ICA1L: variants seen among roughly 807,000 people sequenced by gnomAD.
ICA1L encodes the protein islet cell autoantigen 1-like protein.
A neutral mutation model predicts 61.3 loss-of-function variants in ICA1L; 50 were observed. The ratio of observed to expected loss-of-function variants is 0.82; its 90% CI spans 0.65 to 1.03. ICA1L has a LOEUF of 1.03. Among genes scored for constraint, ICA1L ranks in the 50% least tolerant of loss-of-function variants. ICA1L has a pLI of 0.00. For missense variants in ICA1L, 508 were observed against 556.7 expected, an observed-to-expected ratio of 0.91 and a Z score of 0.88; for synonymous variants, 161 against 191.3, an observed-to-expected ratio of 0.84 and a Z score of 1.31.
chr2:202,841,004 G>T, intron 1 of ICA1L: 2 of 671,782 alleles, frequency 3.0e-6, no homozygotes, highest in South Asian at 2.7e-5. Flanking sequence ...CCTCAGCGAT[G>T]ATGCTGTCCA....
intron 3 of ICA1L, chr2:202,825,319 A>G: frequency 1.1e-5 from 2 of 175,028 alleles, no homozygotes; most frequent in South Asian, 1.3e-4. Flanking sequence ...AAAATACAAA[A>G]ATTATCCAGG....
chr2:202,851,159 C>A (rs887285472), intron 1 of ICA1L, among the ~76,000 whole-genome samples: 7 of 151,674 alleles, frequency 4.6e-5, no homozygotes, highest in Non-Finnish European at 1.0e-4. Context: ...TATCCCTCCC[C>A]ACTCCCCCCA....
chr2:202,836,878 G>T (rs539620669), intron 1 of ICA1L, among the ~76,000 whole-genome samples: 1 of 115,452 alleles, frequency 8.7e-6, no homozygotes, highest in Non-Finnish European at 2.0e-5. Flanking sequence ...GTCTCATTTG[G>T]ATGCCCAGGC....
intron 1 of ICA1L, among the ~76,000 whole-genome samples, chr2:202,838,806 C>A (rs1002286779): frequency 6.6e-6 from 1 of 152,126 alleles, no homozygotes; most frequent in Non-Finnish European, 1.5e-5. Context: ...ACAGGAAGTA[C>A]GGTGCTAGCA....
intron 1 of ICA1L, among the ~76,000 whole-genome samples, chr2:202,839,638 C>G (rs867182166): frequency 7.6e-6 from 1 of 132,058 alleles, no homozygotes; most frequent in South Asian, 2.6e-4. Context: ...GTTTTTTAAC[C>G]TATTCAGCCA....
chr2:202,787,144 G>A (rs916334478), intron 11 of ICA1L, among the ~76,000 whole-genome samples: 3 of 152,210 alleles, frequency 2.0e-5, no homozygotes, highest in Admixed American at 6.5e-5. Flanking sequence ...GGCAGGGGCA[G>A]ATTTTGGTCC....
intron 9 of ICA1L, 48 bp from the exon 10 acceptor site, chr2:202,797,012 CA>C: frequency 7.7e-7 from 1 of 1,300,140 alleles, no homozygotes; most frequent in Non-Finnish European, 1.1e-6. Flanking sequence ...AGAAATTCAG[CA>C]AGCTTATTTA....
intron 1 of ICA1L, among the ~76,000 whole-genome samples, chr2:202,850,446 G>T (rs1369926243): frequency 6.6e-6 from 1 of 152,106 alleles, no homozygotes. Flanking sequence ...GAACATAAAT[G>T]ACCTGATGGA....
chr2:202,782,412 G>GT lies in ICA1L; in HGVS notation c.1334-2765_1334-2764insA, dbSNP rs773150516. On this transcript the variant is annotated intron_variant, in intron 12 of 12. Coordinates refer to ENST00000358299, the MANE Select transcript of ICA1L (RefSeq NM_001288622.3). ...TTTTGTTGTTGTTTGTTTTGTTTTT[G>GT]GTTTTTTTTTTTTGAGATGGAGTCT... 4.3e-3 allele frequency among the ~76,000 whole-genome samples: 637 copies of GT among 146,686 alleles called. 5 individuals are homozygous for GT. The highest frequency in any genetic ancestry group is 0.022 in the Middle Eastern group (6 of 276).
intron 1 of ICA1L, among the ~76,000 whole-genome samples, chr2:202,853,385 G>C (rs759829254): frequency 6.7e-6 from 1 of 149,700 alleles, no homozygotes; most frequent in East Asian, 2.0e-4. Context: ...TTAAATGTTA[G>C]ACCTAAAACC....
intron 1 of ICA1L, among the ~76,000 whole-genome samples, chr2:202,843,678 C>A (rs558633971): frequency 6.6e-6 from 1 of 152,132 alleles, no homozygotes; most frequent in East Asian, 1.9e-4. Flanking sequence ...TAACAGAATG[C>A]GAGATGCAGA....
intron 1 of ICA1L, among the ~76,000 whole-genome samples, chr2:202,861,883 CAAAAAA>C (rs71030996): frequency 2.9e-4 from 12 of 40,924 alleles, no homozygotes; most frequent in Admixed American, 2.1e-3. Flanking sequence ...GATTCAGACT[CAAAAAA>C]AAAAAAAAAA....
chr2:202,774,242 T>G lies in ICA1L; in HGVS notation c.*5291A>C. 1 of 1,547,084 alleles carries G rather than the reference T, an allele frequency of 6.5e-7. No individual in the cohort carries two copies. Among genetic ancestry groups the G allele is most frequent in the Non-Finnish European group, 8.7e-7 (1 of 1,145,802 alleles). On this transcript the variant is annotated 3_prime_UTR_variant, in exon 13 of 13. Transcript: ENST00000358299. ...GGCGCGGGGCGGCTCCTGAGTCTTC[T>G]CGCTCCTGTCGGCCAAAGGCCGTGA... is the stretch of plus-strand genomic sequence containing the variant.
At chr2:202,798,395 T>C (rs1367663138) in intron 9 of ICA1L, among the ~76,000 whole-genome samples, 1 of 152,094 alleles carries the variant, frequency 6.6e-6, no homozygotes, top group Non-Finnish European at 1.5e-5. Context: ...TGTGTCACCA[T>C]ACCTGAATAA....
intron 1 of ICA1L, among the ~76,000 whole-genome samples, chr2:202,855,313 GGAGA>G (rs901832325): frequency 5.3e-5 from 8 of 152,046 alleles, no homozygotes; most frequent in Non-Finnish European, 8.8e-5. Flanking sequence ...CAGAACTGAA[GGAGA>G]GAGAGACATG....
intron 1 of ICA1L, among the ~76,000 whole-genome samples, chr2:202,869,814 C>T (rs774319625): frequency 1.3e-5 from 2 of 151,442 alleles, no homozygotes; most frequent in Non-Finnish European, 2.9e-5. Context: ...TAATGAGATA[C>T]ATAGAAGGTG....
intron 1 of ICA1L, among the ~76,000 whole-genome samples, chr2:202,837,804 C>T (rs753837761): frequency 6.6e-6 from 1 of 151,954 alleles, no homozygotes; most frequent in Non-Finnish European, 1.5e-5. Context: ...TCTTTTGCAA[C>T]ATCTCTTAAG....
intron 8 of ICA1L, among the ~76,000 whole-genome samples, chr2:202,814,388 G>A (rs1452589483): frequency 6.6e-6 from 1 of 152,078 alleles, no homozygotes; most frequent in Non-Finnish European, 1.5e-5. Flanking sequence ...CTTCACACAG[G>A]TCTGCTTCCC....
chr2:202,789,336 C>T (rs1163568014), intron 10 of ICA1L, among the ~76,000 whole-genome samples: 1 of 152,032 alleles, frequency 6.6e-6, no homozygotes, highest in Admixed American at 6.5e-5. Context: ...TAAGCTACCA[C>T]CTAAGTCAGA....
Sources: gnomAD v4.1 joint callset for allele counts (sites outside exome capture counted in the v4.1 genomes callset) on GRCh38, gnomAD v4.1.1 for gene constraint, MANE v1.5 for transcripts, NCBI Gene and HGNC (gene_info 2026-07-23, HGNC 2026-07-21) for gene names.